The following ITGAL variants were observed in gnomAD, a reference collection of about 807,000 sequenced individuals.
ITGAL encodes integrin subunit alpha L.
A neutral mutation model predicts 138.4 loss-of-function variants in ITGAL; 68 were observed. That is an observed-to-expected ratio of 0.49 (90% confidence interval 0.40 to 0.60). The LOEUF (loss-of-function observed/expected upper bound fraction) is 0.60. Ranked by LOEUF, ITGAL falls within the 20% of genes least tolerant of loss-of-function variation. The probability of loss-of-function intolerance (pLI) is 0.00; values close to 1 mark genes in which losing one functional copy is unlikely to be tolerated. For synonymous variants in ITGAL, 561 were observed against 584.3 expected (o/e 0.96, Z 0.57); for missense variants, 1,256 against 1,478.6 (o/e 0.85, Z 2.47).
At position 30,516,956 on chromosome 16, in the gene ITGAL, C is replaced by T. The variant is rs935609294; in HGVS notation, c.2863-17C>T. On this transcript the variant is annotated splice_polypyrimidine_tract_variant and intron_variant, in intron 25 of 30. Coordinates refer to ENST00000356798, the MANE Select transcript of ITGAL (RefSeq NM_002209.3). Reference sequence around the variant, plus strand: ...GGCTGGCATTCAGGGCTCTGCATCCCTTGTCCTCTGTGCCAGGTGAGGATC... The same window carrying T: ...GGCTGGCATTCAGGGCTCTGCATCCTTTGTCCTCTGTGCCAGGTGAGGATC... The T allele has an allele frequency of 1.9e-6, 3 of 1,578,208 alleles. No individual in the cohort carries two copies. The highest frequency in any genetic ancestry group is 2.6e-6 in the Non-Finnish European group (3 of 1,147,540).
intron 2 of ITGAL, among the ~76,000 whole-genome samples, chr16:30,475,046 A>T (rs968967324): frequency 6.6e-6 from 1 of 151,778 alleles, no homozygotes; most frequent in Non-Finnish European, 1.5e-5. Flanking sequence ...TTTAGTAGAG[A>T]CGGGGTTTCA....
At position 30,481,590 on chromosome 16, in the gene ITGAL, T is replaced by TC; in HGVS notation, c.722+6_722+7insC. 1 of 1,613,296 alleles carries TC rather than the reference T, an allele frequency of 6.2e-7. No individual in the cohort carries two copies. Among genetic ancestry groups the TC allele is most frequent in the East Asian group, 2.2e-5 (1 of 44,870 alleles). On this transcript the variant is annotated splice_region_variant and intron_variant, in intron 7 of 30. Transcript: ENST00000356798. ...GGTGCCATCAATTATGTCGCGTGAG[T>TC]TCCCTTTTGCAGGAGAGCACGTGTC...
At chr16:30,503,525 A>G (rs868643577) in intron 17 of ITGAL, among the ~76,000 whole-genome samples, 1 of 146,724 alleles carries the variant, frequency 6.8e-6, no homozygotes, top group African/African-American at 2.5e-5. Flanking sequence ...GGAAGGAAGG[A>G]CAACGGAGGA....
chr16:30,483,908 T>C lies in ITGAL; in HGVS notation c.804T>C (p.Thr268=), dbSNP rs758045555. 26 of 1,614,022 alleles carry C rather than the reference T, an allele frequency of 1.6e-5. No individual in the cohort carries two copies. In the Middle Eastern group the frequency reaches 4.9e-4, roughly 31 times the overall value. ...VLIIITDGEA[T]DSGNIDAAKD... is the part of the protein sequence containing the mutation. Reference sequence around the variant, plus strand: ...TCATCATCACGGATGGGGAGGCCACTGACAGTGGCAACATCGATGCGGCCA... The same window carrying C: ...TCATCATCACGGATGGGGAGGCCACCGACAGTGGCAACATCGATGCGGCCA... The change falls in exon 8 of 31, where the codon ACT becomes ACC. Residue 268 remains threonine (T), a synonymous_variant. Coordinates refer to ENST00000356798, the MANE Select transcript of ITGAL (RefSeq NM_002209.3).
Position 30,505,447 on chromosome 16 carries a change from C to T in ITGAL, c.2351C>T (p.Ser784Phe). Residue 784 changes from serine (S) to phenylalanine (F), a missense_variant, in exon 20 of 31, where the codon TCC (serine) becomes TTC (phenylalanine). Physicochemically the swap from Ser to Phe is radical, Grantham distance 155. This residue lies in a region of ITGAL where 867 missense variants were observed against 972.5 expected (regional missense o/e 0.89). Coordinates refer to ENST00000356798, the MANE Select transcript of ITGAL (RefSeq NM_002209.3). ...AAGTGTGAGGCAAACTTGAGAGTGTCCTTCTCTCCTGCAAGGTCAGTAAGG... is the reference window on the plus strand; with the variant it reads ...AAGTGTGAGGCAAACTTGAGAGTGTTCTTCTCTCCTGCAAGGTCAGTAAGG... ...DKKCEANLRV[S>F]FSPARSRALR... is the part of the protein sequence containing the mutation. The T allele has an allele frequency of 6.2e-7, 1 of 1,613,686 alleles. No individual in the cohort carries two copies. The highest frequency in any genetic ancestry group is 8.5e-7 in the Non-Finnish European group (1 of 1,179,800).
intron 15 of ITGAL, 25 bp from the exon 16 acceptor site, chr16:30,499,049 G>C (rs761769221): frequency 8.1e-6 from 13 of 1,609,570 alleles, no homozygotes; most frequent in Non-Finnish European, 1.1e-5. Flanking sequence ...TGGAGGGAGA[G>C]AGTTGGTTGC....
At position 30,519,855 on chromosome 16, in the gene ITGAL, A is replaced by T. The variant is rs769101941; in HGVS notation, c.3229-2A>T. On this transcript the variant is annotated splice_acceptor_variant, in intron 29 of 30. Transcript: ENST00000356798. LOFTEE classifies it high-confidence loss of function. ...CCGGCACTCCCCTCCCCCTGCTCCC[A>T]GGTTGTCATGAAGGTTGACGTGGTG... The T allele has an allele frequency of 6.2e-7, 1 of 1,607,498 alleles. No homozygotes were observed. Among genetic ancestry groups the T allele is most frequent in the Non-Finnish European group, 8.5e-7 (1 of 1,174,014 alleles).
intron 11 of ITGAL, among the ~76,000 whole-genome samples, chr16:30,491,597 ACT>A (rs148854563): frequency 0.01 from 1,561 of 151,764 alleles, 26 homozygotes; most frequent in African/African-American, 0.035. Context: ...GTCTTATTTA[ACT>A]CTCAAAACAC....
chr16:30,488,191 T>C (rs1415249018), intron 9 of ITGAL, among the ~76,000 whole-genome samples: 2 of 139,522 alleles, frequency 1.4e-5, no homozygotes, highest in Non-Finnish European at 1.6e-5. Flanking sequence ...CAAGACCCTG[T>C]CTCAAAAAAA....
chr16:30,517,551 C>A, intron 26 of ITGAL, 98 bp from the exon 27 acceptor site: 1 of 975,218 alleles, frequency 1.0e-6, no homozygotes, highest in Non-Finnish European at 1.7e-6. Context: ...GATGTCTGAA[C>A]TCACCCAGGG....
chr16:30,497,212 G>A (rs1286315754), intron 15 of ITGAL, among the ~76,000 whole-genome samples: 2 of 151,800 alleles, frequency 1.3e-5, no homozygotes, highest in Non-Finnish European at 2.9e-5. Flanking sequence ...GCGTGGTGGC[G>A]GGTGCCTGTA....
Position 30,510,459 on chromosome 16 carries a change from A to G in ITGAL, c.2607A>G (p.Lys869=). ...GCAATGTGAGCTCTCCCATCTTCAA[A>G]GCAGGCCACTCGGTGAGTGCTTCAA... The part of the protein sequence containing the change: ...LSCNVSSPIF[K]AGHSVALQMM... Residue 869 remains lysine, a synonymous_variant, in exon 22 of 31, where the codon AAA becomes AAG. Transcript: ENST00000356798. 1.2e-6 allele frequency: 2 copies of G among 1,602,722 alleles called. No homozygotes were observed. The highest frequency in any genetic ancestry group is 1.7e-6 in the Non-Finnish European group (2 of 1,169,582).
Position 30,510,849 on chromosome 16 carries a change from TC to T in ITGAL, c.2620-30del, listed in dbSNP as rs778894257. 3 of 1,577,662 alleles carry T rather than the reference TC, an allele frequency of 1.9e-6. No individual in the cohort carries two copies. In the African/African-American group the frequency reaches 4.0e-5, roughly 21 times the overall value. ...CCATGAGGCTGCTCCTCATGACCCT[TC>T]CATTTCCATTGCCCTCTCCTTTCCT... On this transcript the variant is annotated intron_variant, in intron 22 of 30. Transcript: ENST00000356798.
chr16:30,510,811 T>G, intron 22 of ITGAL, 70 bp from the exon 23 acceptor site: 2 of 1,195,522 alleles, frequency 1.7e-6, no homozygotes, highest in Non-Finnish European at 1.2e-6. Context: ...ATGATGGTGA[T>G]TAGATGTGGG....
rs762387331 is a variant in ITGAL, at chr16:30,517,684, G to A, written c.3012G>A (p.Glu1004=). Residue 1004 remains glutamate, a synonymous_variant, in exon 27 of 31, where the codon GAG becomes GAA. Transcript: ENST00000356798. ...PPVPCHYEDL[E]RLPDAAEPCL... is the part of the protein sequence containing the mutation. Reference sequence around the variant, plus strand: ...TGCCCTGCCACTATGAGGATCTGGAGAGGCTCCCGGATGCAGCTGAGGTAT... The same window carrying A: ...TGCCCTGCCACTATGAGGATCTGGAAAGGCTCCCGGATGCAGCTGAGGTAT... The A allele has an allele frequency of 1.9e-6, 3 of 1,614,136 alleles. 1 individual carries two copies. In the South Asian group the frequency reaches 3.3e-5, roughly 18 times the overall value.
At chr16:30,488,442 G>C (rs73534250) in intron 9 of ITGAL, among the ~76,000 whole-genome samples, 13,432 of 151,914 alleles carry the variant, frequency 0.088, 1,452 homozygotes, top group East Asian at 0.27. Flanking sequence ...GGGCACAGTG[G>C]CTCACACCTG....
At position 30,517,091 on chromosome 16, in the gene ITGAL, G is replaced by A; in HGVS notation, c.2976+5G>A. ...CACCAGTGGAGCGTGCAGATGGTGA[G>A]TGCTGCCTGTAGAGGGAGGGTCTAC... On this transcript the variant is annotated splice_donor_5th_base_variant and intron_variant, in intron 26 of 30. Transcript: ENST00000356798. The A allele has an allele frequency of 6.3e-7, 1 of 1,578,142 alleles. No individual in the cohort carries two copies. The highest frequency in any genetic ancestry group is 1.1e-5 in the South Asian group (1 of 89,524).
chr16:30,499,253 C>T lies in ITGAL; in HGVS notation c.1993+19C>T. On this transcript the variant is annotated intron_variant, in intron 16 of 30. Transcript: ENST00000356798. ...TTCCAAGGTCAGAGCTCTCCTCCTG[C>T]TCCCAGGGCAGCTGCCGCCCCAAAT... The T allele has an allele frequency of 6.2e-7, 1 of 1,613,182 alleles. No individual in the cohort carries two copies. Among genetic ancestry groups the T allele is most frequent in the Non-Finnish European group, 8.5e-7 (1 of 1,179,208 alleles).
At chr16:30,516,817 C>T (rs758066691) in intron 25 of ITGAL, among the ~76,000 whole-genome samples, 156 bp from the exon 26 acceptor site, 2 of 152,198 alleles carry the variant, frequency 1.3e-5, no homozygotes, top group East Asian at 1.9e-4. Flanking sequence ...AGGACGGAAG[C>T]TGGCCATGCC....
Sources: gnomAD v4.1 joint callset for allele counts (sites outside exome capture counted in the v4.1 genomes callset) on GRCh38, gnomAD v4.1.1 for gene constraint, gnomAD v4.1.1 regional missense constraint, MANE v1.5 for transcripts, NCBI Gene and HGNC (gene_info 2026-07-23, HGNC 2026-07-21) for gene names.